Variants in SH3RF2 observed in about 807,000 individuals in gnomAD.
SH3RF2 encodes the protein SH3 domain containing ring finger 2, also known as E3 ubiquitin-protein ligase SH3RF2.
A neutral mutation model predicts 59.0 loss-of-function variants in SH3RF2; 43 were observed. The observed-to-expected ratio is 0.73, with a 90% confidence interval of 0.57 to 0.94. The LOEUF (loss-of-function observed/expected upper bound fraction) is 0.94. Among genes scored for constraint, SH3RF2 ranks in the 40% least tolerant of loss-of-function variants. The pLI, the probability that SH3RF2 is intolerant of heterozygous loss-of-function variation, is 0.00. For synonymous variants in SH3RF2, 391 were observed against 391.5 expected (o/e 1.00, Z 0.01); for missense variants, 930 against 940.1 (o/e 0.99, Z 0.14).
At chr5:146,063,888 C>T (rs1029632697), downstream of SH3RF2, among the ~76,000 whole-genome samples, 1 of 152,058 alleles carries the variant, frequency 6.6e-6, no homozygotes, top group African/African-American at 2.4e-5. Flanking sequence ...AAAGAAAGCA[C>T]AACATGCTAA....
chr5:145,960,965 T>C (rs909480619), intron 2 of SH3RF2, among the ~76,000 whole-genome samples: 1 of 152,114 alleles, frequency 6.6e-6, no homozygotes, highest in Non-Finnish European at 1.5e-5. Context: ...CTTTCACAGG[T>C]AGTGTGATAT....
chr5:145,994,174 C>T (rs574091973), intron 2 of SH3RF2, among the ~76,000 whole-genome samples: 10 of 152,322 alleles, frequency 6.6e-5, no homozygotes, highest in South Asian at 6.2e-4. Context: ...CAACAAGTTT[C>T]TCATCTCCAT....
At chr5:146,016,026 C>T (rs1275440672) in intron 5 of SH3RF2, among the ~76,000 whole-genome samples, 2 of 152,190 alleles carry the variant, frequency 1.3e-5, no homozygotes, top group Non-Finnish European at 2.9e-5. Flanking sequence ...TCACACTCCC[C>T]CTACCTTCCC....
chr5:145,942,657 C>G (rs1446290627), intron 2 of SH3RF2, among the ~76,000 whole-genome samples: 2 of 152,080 alleles, frequency 1.3e-5, no homozygotes, highest in East Asian at 3.9e-4. Flanking sequence ...CAGATAGGTG[C>G]CATCTGGGAC....
chr5:145,950,037 A>G (rs2149945195), intron 2 of SH3RF2, among the ~76,000 whole-genome samples: 1 of 149,672 alleles, frequency 6.7e-6, no homozygotes, highest in Admixed American at 6.7e-5. Context: ...GCATGCAGGG[A>G]GGGACCAGGA....
At chr5:146,070,243 T>C (rs1268135759) in intron 9 of SH3RF2, among the ~76,000 whole-genome samples, 1 of 152,176 alleles carries the variant, frequency 6.6e-6, no homozygotes, top group African/African-American at 2.4e-5. Context: ...CAATGGCAAC[T>C]ATCAACGTGG....
chr5:146,019,691 C>T (rs2906817), intron 5 of SH3RF2, among the ~76,000 whole-genome samples: 87,466 of 151,994 alleles, frequency 0.58, 25,958 homozygotes, highest in Middle Eastern at 0.79. Context: ...TTACTTTGAG[C>T]GGTATGGTCA....
chr5:146,047,178 T>TGTGTGTGTGTGTGTGTGTGTGTGTG (rs1561761124), intron 5 of SH3RF2, among the ~76,000 whole-genome samples: 3 of 152,088 alleles, frequency 2.0e-5, no homozygotes, highest in African/African-American at 7.2e-5. Flanking sequence ...TGTGTGTGTG[T>TGTGTGTGTGTGTGTGTGTGTGTGTG]TTCTAGCAAT....
Position 145,981,503 on chromosome 5 carries a change from C to G in SH3RF2, c.379-18555C>G, listed in dbSNP as rs545260671. Reference sequence around the variant, plus strand: ...AAATCTCTTAAGCTCTAGGTTCCCCCACACGCACACCTCCTCTTCCTTTTT... The same window carrying G: ...AAATCTCTTAAGCTCTAGGTTCCCCGACACGCACACCTCCTCTTCCTTTTT... On this transcript the variant is annotated intron_variant, in intron 2 of 9. Coordinates refer to ENST00000359120, the MANE Select transcript of SH3RF2 (RefSeq NM_152550.4). Among the ~76,000 whole-genome samples, 232 of 152,324 alleles carry G rather than the reference C, an allele frequency of 1.5e-3. 1 individual carries two copies. The highest frequency in any genetic ancestry group is 7.7e-3 in the South Asian group (37 of 4,828).
At chr5:145,981,986 G>T (rs1759523717) in intron 2 of SH3RF2, among the ~76,000 whole-genome samples, 1 of 152,174 alleles carries the variant, frequency 6.6e-6, no homozygotes, top group South Asian at 2.1e-4. Flanking sequence ...AGTCTATATT[G>T]CAGGCTTACA....
At chr5:146,076,437 G>A (rs1420016904) in intron 9 of SH3RF2, among the ~76,000 whole-genome samples, 2 of 152,152 alleles carry the variant, frequency 1.3e-5, no homozygotes, top group Non-Finnish European at 2.9e-5. Flanking sequence ...AAGGCAGACC[G>A]CCTTCCTTTT....
intron 2 of SH3RF2, among the ~76,000 whole-genome samples, chr5:145,955,368 A>G (rs1006626138): frequency 6.6e-6 from 1 of 152,150 alleles, no homozygotes; most frequent in Non-Finnish European, 1.5e-5. Context: ...ACTCATGGTC[A>G]TAAAGATGGC....
At position 146,000,147 on chromosome 5, in the gene SH3RF2, A is replaced by T; in HGVS notation, c.468A>T (p.Arg156Ser). 1 of 1,613,984 alleles carries T rather than the reference A, an allele frequency of 6.2e-7. No individual in the cohort carries two copies. Among genetic ancestry groups the T allele is most frequent in the Non-Finnish European group, 8.5e-7 (1 of 1,179,932 alleles). Residue 156 changes from arginine (R) to serine (S), a missense_variant, in exon 3 of 10, where the codon AGA (arginine) becomes AGT (serine). Coordinates refer to ENST00000359120, the MANE Select transcript of SH3RF2 (RefSeq NM_152550.4). ...AGGGAGATATCATCCTTCTCCGGAG[A>T]CAGCTTGATGAGAATTGGTACCAGG... ...FNKGDIILLR[R>S]QLDENWYQGE...
At chr5:146,035,813 T>C (rs1374013365) in intron 5 of SH3RF2, among the ~76,000 whole-genome samples, 1 of 152,186 alleles carries the variant, frequency 6.6e-6, no homozygotes, top group East Asian at 1.9e-4. Flanking sequence ...GGGATACTCT[T>C]GTCTGGGGAA....
At chr5:145,944,854 T>G (rs1228808112) in intron 2 of SH3RF2, among the ~76,000 whole-genome samples, 1 of 152,204 alleles carries the variant, frequency 6.6e-6, no homozygotes, top group Non-Finnish European at 1.5e-5. Flanking sequence ...TCAGTCATAA[T>G]GCAAAAGATA....
At position 146,074,284 on chromosome 5, in the gene SH3RF2, A is replaced by G. The variant is rs142819003; in HGVS notation, c.*34-4176A>G. Among the ~76,000 whole-genome samples the G allele has an allele frequency of 4.3e-3, 662 of 152,192 alleles. 7 individuals carry two copies. Among genetic ancestry groups the G allele is most frequent in the African/African-American group, 0.015 (640 of 41,552 alleles). On this transcript the variant is annotated intron_variant, in intron 9 of 9. Coordinates refer to the SH3RF2 transcript ENST00000511217. The stretch of plus-strand genomic sequence containing the variant: ...TTTATCAAACATTTTTTATCATACA[A>G]TAAGTATTTGTTGAATGAACAATTG...
chr5:145,989,298 A>C (rs1158696952), intron 2 of SH3RF2, among the ~76,000 whole-genome samples: 1 of 152,218 alleles, frequency 6.6e-6, no homozygotes, highest in Non-Finnish European at 1.5e-5. Flanking sequence ...TGATGAAAAC[A>C]ATCCTTCTTT....
At chr5:146,075,987 G>A (rs1763336618) in intron 9 of SH3RF2, among the ~76,000 whole-genome samples, 1 of 152,012 alleles carries the variant, frequency 6.6e-6, no homozygotes, top group South Asian at 2.1e-4. Context: ...ACTGCACAAT[G>A]CCTGCCTAGG....
chr5:145,964,083 C>T (rs370901965), intron 2 of SH3RF2, among the ~76,000 whole-genome samples: 5 of 152,060 alleles, frequency 3.3e-5, no homozygotes, highest in African/African-American at 9.6e-5. Flanking sequence ...CTACCCACCT[C>T]GGCCTCCCAA....
Sources: allele counts gnomAD v4.1 joint callset (sites outside exome capture counted in the v4.1 genomes callset), GRCh38; gene constraint gnomAD v4.1.1; transcripts MANE v1.5; gene names NCBI Gene and HGNC (gene_info 2026-07-23, HGNC 2026-07-21).